The following NELFCD variants were observed in gnomAD, a reference collection of about 807,000 sequenced individuals.
The protein encoded by NELFCD is negative elongation factor complex member C/D, also known as negative elongation factor C/D.
In NELFCD, 48 loss-of-function variants were observed where a neutral mutation model predicts 72.9. That is an observed-to-expected ratio of 0.66 (90% CI 0.52 to 0.84). The LOEUF is 0.84. Ranked by LOEUF, NELFCD falls within the 40% of genes least tolerant of loss-of-function variation. The probability of loss-of-function intolerance (pLI) is 0.00; values close to 1 mark genes in which losing one functional copy is unlikely to be tolerated. For synonymous variants in NELFCD, 297 were observed against 280.6 expected (o/e 1.06, Z -0.59); for missense variants, 538 against 723.8 (o/e 0.74, Z 2.94).
intron 7 of NELFCD, 93 bp from the exon 8 acceptor site, chr20:58,990,815 CAG>C (rs2091810443): frequency 8.9e-7 from 1 of 1,129,066 alleles, no homozygotes; most frequent in Non-Finnish European, 1.3e-6. Flanking sequence ...GACAGAAAAA[CAG>C]ATCCCAACAA....
intron 10 of NELFCD, among the ~76,000 whole-genome samples, chr20:58,992,659 G>C (rs887636726): frequency 3.9e-5 from 6 of 152,160 alleles, no homozygotes; most frequent in African/African-American, 1.4e-4. Context: ...AATCTGGGAG[G>C]CCAAGGCAAG....
intron 1 of NELFCD, among the ~76,000 whole-genome samples, chr20:58,983,298 G>A (rs529940501): frequency 7.9e-5 from 12 of 151,786 alleles, no homozygotes; most frequent in African/African-American, 2.2e-4. Flanking sequence ...CATCATGTCC[G>A]GCTAATTTTT....
In NELFCD at chr20:58,994,720, G is replaced by A. The variant is rs368311400; in HGVS notation, c.*44G>A. 3.1e-5 allele frequency: 48 copies of A among 1,553,908 alleles called. No homozygotes were observed. The highest frequency in any genetic ancestry group is 3.7e-5 in the Non-Finnish European group (42 of 1,131,456). ...GCTGAAGCAGAACATTCCAGAACCC[G>A]TTGTGGAAAAACCCTTTCAAGAAGC... is the stretch of plus-strand genomic sequence containing the variant. On this transcript the variant is annotated 3_prime_UTR_variant, in exon 15 of 15. Coordinates refer to ENST00000652272, the MANE Select transcript of NELFCD (RefSeq NM_198976.4).
At chr20:58,982,911 C>T (rs550762221) in intron 1 of NELFCD, among the ~76,000 whole-genome samples, 11 of 152,066 alleles carry the variant, frequency 7.2e-5, no homozygotes, top group Non-Finnish European at 1.5e-4. Flanking sequence ...TTGGGTGTTA[C>T]CCTACTTATC....
chr20:58,991,731 C>A, intron 9 of NELFCD, 150 bp from the exon 10 acceptor site: 1 of 878,068 alleles, frequency 1.1e-6, no homozygotes, highest in Non-Finnish European at 1.7e-6. Flanking sequence ...TTTCTGTACA[C>A]TGTGTGACTG....
intron 14 of NELFCD, 80 bp from the exon 15 acceptor site, chr20:58,994,562 C>CAAA (rs374709307): frequency 4.3e-4 from 360 of 835,208 alleles, no homozygotes; most frequent in African/African-American, 6.6e-4. Flanking sequence ...AACTGCATCT[C>CAAA]AAAAAAAAAA....
chr20:58,986,119 G>C lies in NELFCD; in HGVS notation c.87G>C (p.Glu29Asp). ...AGGAGGATGATTCTGGAGAAGGAGA[G>C]GATGATGCGGAGGTTCAGCAAGAAT... The part of the protein sequence containing the change: ...GQQEDDSGEG[E>D]DDAEVQQECL... The change falls in exon 2 of 15, where the codon GAG becomes GAC. Residue 29 changes from glutamate (E) to aspartate (D), a missense_variant. This residue lies in a region of NELFCD where 47 missense variants were observed against 35.3 expected (regional missense o/e 1.33). Coordinates refer to ENST00000652272, the MANE Select transcript of NELFCD (RefSeq NM_198976.4). This position sits in a 1 kb window ranked among gnomAD's most constrained non-coding sequence, Gnocchi z 4.4. 1 of 1,613,870 alleles carries C rather than the reference G, an allele frequency of 6.2e-7. No homozygotes were observed. Among genetic ancestry groups the C allele is most frequent in the Non-Finnish European group, 8.5e-7 (1 of 1,179,724 alleles).
At chr20:58,994,553 A>T (rs985681426) in intron 14 of NELFCD, 89 bp from the exon 15 acceptor site, 6 of 1,128,660 alleles carry the variant, frequency 5.3e-6, no homozygotes, top group Non-Finnish European at 7.9e-6. Context: ...CAAGAGCAAA[A>T]CTGCATCTCA....
At chr20:58,988,550 C>T (rs1450590801) in intron 4 of NELFCD, among the ~76,000 whole-genome samples, 1 of 152,090 alleles carries the variant, frequency 6.6e-6, no homozygotes, top group East Asian at 1.9e-4. Flanking sequence ...GGTGATGGGC[C>T]AGAACACCTG....
Position 58,986,650 on chromosome 20 carries a change from C to T in NELFCD, c.177-104C>T. 2.4e-6 allele frequency: 2 copies of T among 841,544 alleles called. No homozygotes were observed. Among genetic ancestry groups the T allele is most frequent in the Non-Finnish European group, 4.2e-6 (2 of 479,050 alleles). 52.1% of individuals were successfully genotyped at this position (841,544 alleles called of 1,614,324 possible). A position where few individuals can be genotyped will look rare whatever the true frequency, so the allele number is the denominator to read the frequency against. On this transcript the variant is annotated intron_variant, in intron 2 of 14. Transcript: ENST00000652272. This position sits in a 1 kb window ranked among gnomAD's most constrained non-coding sequence, Gnocchi z 4.4. ...GCACCACTGCACCCAGCCCCCTCCG[C>T]TGCTTTAAAAATTTTGAAACCTGAT...
intron 5 of NELFCD, chr20:58,989,226 A>C (rs1395302226): frequency 1.3e-5 from 8 of 617,246 alleles, no homozygotes; most frequent in Non-Finnish European, 2.3e-5. Context: ...AGGATTTAGC[A>C]GGGATACAAG....
chr20:58,992,213 CAGA>C (rs1311423724), intron 10 of NELFCD, among the ~76,000 whole-genome samples, 193 bp downstream of exon 10: 1 of 151,982 alleles, frequency 6.6e-6, no homozygotes, highest in Non-Finnish European at 1.5e-5. Context: ...GTTTATTTGC[CAGA>C]AGTCTGTTGA....
chr20:58,985,135 T>C (rs1191625765), intron 1 of NELFCD, among the ~76,000 whole-genome samples: 2 of 152,200 alleles, frequency 1.3e-5, no homozygotes, highest in African/African-American at 2.4e-5. Context: ...AAAGCAATCA[T>C]AGACAGTCCT....
Position 58,991,341 on chromosome 20 carries a change from C to A in NELFCD, c.984C>A (p.Phe328Leu), listed in dbSNP as rs137872664. Reference sequence around the variant, plus strand: ...GCGTTCCAGCCTTCCTGGACCTGTTCATGCAGTCACTCTTTAAACCAGGGG... The same window carrying A: ...GCGTTCCAGCCTTCCTGGACCTGTTAATGCAGTCACTCTTTAAACCAGGGG... ...LIRVPAFLDL[F>L]MQSLFKPGAR... is the part of the protein sequence containing the mutation. Residue 328 changes from phenylalanine (F) to leucine (L), a missense_variant, in exon 9 of 15, where the codon TTC (phenylalanine) becomes TTA (leucine). Physicochemically the swap from Phe to Leu is conservative, Grantham distance 22. Transcript: ENST00000652272. 2 of 1,614,090 alleles carry A rather than the reference C, an allele frequency of 1.2e-6. No homozygotes were observed. The highest frequency in any genetic ancestry group is 1.7e-6 in the Non-Finnish European group (2 of 1,180,044).
At chr20:58,992,848 C>CAAAAAAAAAAAAAAAAA in intron 10 of NELFCD, 150 bp from the exon 11 acceptor site, 1 of 415,886 alleles carries the variant, frequency 2.4e-6, no homozygotes. Flanking sequence ...GACCCTGTCT[C>CAAAAAAAAAAAAAAAAA]AAAAAAAAAA....
intron 1 of NELFCD, among the ~76,000 whole-genome samples, chr20:58,982,031 C>T (rs940011647): frequency 6.6e-6 from 1 of 151,400 alleles, no homozygotes; most frequent in African/African-American, 2.4e-5. Flanking sequence ...AGTGTGTCCC[C>T]ACCTTACTCT....
intron 10 of NELFCD, among the ~76,000 whole-genome samples, chr20:58,992,725 T>C (rs2091826222): frequency 6.6e-6 from 1 of 151,618 alleles, no homozygotes; most frequent in Admixed American, 6.6e-5. Flanking sequence ...GTGGACCCTC[T>C]CTCTACAAAA....
intron 1 of NELFCD, among the ~76,000 whole-genome samples, chr20:58,983,577 C>T (rs1318160365): frequency 6.6e-6 from 1 of 151,952 alleles, no homozygotes; most frequent in African/African-American, 2.4e-5. Context: ...AGGCCGGTGC[C>T]ACCACACCCG....
In NELFCD at chr20:58,991,334, A is replaced by T. The variant is rs753482883; in HGVS notation, c.977A>T (p.Asp326Val). 4.3e-6 allele frequency: 7 copies of T among 1,613,960 alleles called. No individual in the cohort carries two copies. The highest frequency in any genetic ancestry group is 5.9e-6 in the Non-Finnish European group (7 of 1,180,030). The change falls in exon 9 of 15, where the codon GAC becomes GTC. Residue 326 changes from aspartate to valine, a missense_variant. Transcript: ENST00000652272. ...CAGATCCGCGTTCCAGCCTTCCTGG[A>T]CCTGTTCATGCAGTCACTCTTTAAA... Reference protein sequence around the residue: ...VELIRVPAFLDLFMQSLFKPG... With the variant: ...VELIRVPAFLVLFMQSLFKPG...
Sources: gnomAD v4.1 joint callset for allele counts (sites outside exome capture counted in the v4.1 genomes callset) on GRCh38, gnomAD v4.1.1 for gene constraint, gnomAD v4.1.1 regional missense constraint, Gnocchi (gnomAD v3.1) non-coding constraint, MANE v1.5 for transcripts, NCBI Gene and HGNC (gene_info 2026-07-23, HGNC 2026-07-21) for gene names.